The following UGGT1 variants were observed in gnomAD, a reference collection of about 807,000 sequenced individuals.
UGGT1 encodes UDP-glucose:glycoprotein glucosyltransferase 1.
In UGGT1, 107 loss-of-function variants were observed where a neutral mutation model predicts 203.9. That is an observed-to-expected ratio of 0.52 (90% CI 0.45 to 0.62). UGGT1 has a LOEUF of 0.62. UGGT1 is among the 20% of genes least tolerant of loss of function. UGGT1 has a pLI of 0.00. For synonymous variants in UGGT1, 628 were observed against 653.5 expected, an observed-to-expected ratio of 0.96 and a Z score of 0.59; for missense variants, 1,673 against 1,867.2, an observed-to-expected ratio of 0.90 and a Z score of 1.92.
chr2:128,116,481 C>T (rs1006207950), intron 8 of UGGT1, 138 bp downstream of exon 8: 16 of 571,592 alleles, frequency 2.8e-5, no homozygotes, highest in Admixed American at 1.6e-4. Flanking sequence ...TGCAATCCTA[C>T]GTGGAGAGTC....
intron 28 of UGGT1, chr2:128,171,539 G>A (rs770939309): frequency 2.5e-5 from 11 of 435,654 alleles, no homozygotes; most frequent in East Asian, 1.4e-4. Context: ...ATGGAGTCTC[G>A]CTCTGTCGCC....
At position 128,161,208 on chromosome 2, in the gene UGGT1, T is replaced by G. The variant is rs767130232; in HGVS notation, c.2765T>G (p.Leu922Ter). The stretch of plus-strand genomic sequence containing the variant: ...TTCCACCTCCTCGAAAATATCATCT[T>G]AAAAACCTCAGGACAGAAAATAAAA... Reference protein sequence around the residue: ...DDFHLLENIILKTSGQKIKSH... With the variant: ...DDFHLLENII Residue 922 changes from leucine (L) to a stop codon, truncating the protein, a stop_gained, in exon 25 of 41, where the codon TTA becomes TGA. Transcript: ENST00000259253. LOFTEE classifies it high-confidence loss of function. 6.2e-7 allele frequency: 1 copy of G among 1,614,062 alleles called. No homozygotes were observed. Among genetic ancestry groups the G allele is most frequent in the Non-Finnish European group, 8.5e-7 (1 of 1,179,978 alleles).
chr2:128,171,348 A>G, intron 28 of UGGT1, 64 bp downstream of exon 28: 1 of 1,424,128 alleles, frequency 7.0e-7, no homozygotes, highest in East Asian at 2.3e-5. Flanking sequence ...CTGATATTGC[A>G]TGTTAGAGGA....
chr2:128,134,223 A>T (rs1293115237), intron 14 of UGGT1, among the ~76,000 whole-genome samples: 1 of 152,028 alleles, frequency 6.6e-6, no homozygotes, highest in Non-Finnish European at 1.5e-5. Context: ...TTTAGTAGAG[A>T]CGGGGTTTCA....
intron 37 of UGGT1, 44 bp from the exon 38 acceptor site, chr2:128,183,631 C>G: frequency 1.4e-6 from 2 of 1,456,318 alleles, no homozygotes; most frequent in Non-Finnish European, 1.9e-6. Context: ...GTTTTCCTGT[C>G]GTAATCCATG....
chr2:128,142,987 AAAAG>A, intron 16 of UGGT1, 103 bp from the exon 17 acceptor site: 1 of 1,255,808 alleles, frequency 8.0e-7, no homozygotes, highest in Non-Finnish European at 1.1e-6. Flanking sequence ...CAAAAAAAAA[AAAAG>A]AAAAATAAGT....
intron 25 of UGGT1, among the ~76,000 whole-genome samples, chr2:128,161,886 A>T (rs1690544230): frequency 6.6e-6 from 1 of 152,238 alleles, no homozygotes; most frequent in African/African-American, 2.4e-5. Context: ...ATGACTATGT[A>T]GTTGGAGGAT....
At chr2:128,165,602 CAGG>C (rs1690748949) in intron 26 of UGGT1, among the ~76,000 whole-genome samples, 1 of 152,050 alleles carries the variant, frequency 6.6e-6, no homozygotes, top group African/African-American at 2.4e-5. Flanking sequence ...GAGCCTGAGA[CAGG>C]AGAATCGCTT....
At chr2:128,140,094 G>T in intron 16 of UGGT1, 1 of 154,236 alleles carries the variant, frequency 6.5e-6, no homozygotes, top group South Asian at 2.0e-4. Context: ...AGGAGTCAGT[G>T]ATCATAATAT....
In UGGT1 at chr2:128,194,266, C is replaced by CTT. The variant is rs11402174; in HGVS notation, c.*4536_*4537dup. 0.014 allele frequency: 1,993 copies of CTT among 143,672 alleles called. 22 individuals are homozygous for CTT. Among genetic ancestry groups the CTT allele is most frequent in the Non-Finnish European group, 0.022 (1,459 of 66,204 alleles). 8.9% of individuals were successfully genotyped at this position (143,672 alleles called of 1,614,324 possible). A position where few individuals can be genotyped will look rare whatever the true frequency, so the allele number is the denominator to read the frequency against. On this transcript the variant is annotated 3_prime_UTR_variant, in exon 41 of 41. Transcript: ENST00000259253. The stretch of plus-strand genomic sequence containing the variant: ...CGCCACCACACCCGGCTAATTTTTG[C>CTT]TTTTTTTTTTTTTGAGACAGAATCT...
chr2:128,179,835 T>G lies in UGGT1; in HGVS notation c.3865T>G (p.Trp1289Gly). The G allele has an allele frequency of 6.2e-7, 1 of 1,614,128 alleles. No homozygotes were observed. ...GAATACCAAGACTCCTGTGAAATTC[T>G]GGTTCTTGAAGAATTACTTGTCCCC... Reference protein sequence around the residue: ...LKNTKTPVKFWFLKNYLSPTF... With the variant: ...LKNTKTPVKFGFLKNYLSPTF... The change falls in exon 35 of 41, where the codon TGG becomes GGG. Residue 1289 changes from tryptophan (W) to glycine (G), a missense_variant. Physicochemically the swap from Trp to Gly is radical, Grantham distance 184. Coordinates refer to ENST00000259253, the MANE Select transcript of UGGT1 (RefSeq NM_020120.4).
intron 12 of UGGT1, 106 bp downstream of exon 12, chr2:128,127,558 A>G: frequency 1.2e-6 from 1 of 836,400 alleles, no homozygotes; most frequent in Non-Finnish European, 1.9e-6. Context: ...GCAAAGTCTG[A>G]TGGCTTACCA....
At chr2:128,103,707 A>G (rs1245641458) in intron 2 of UGGT1, among the ~76,000 whole-genome samples, 5 of 151,880 alleles carry the variant, frequency 3.3e-5, no homozygotes, top group Middle Eastern at 3.4e-3. Context: ...AGAAATAGCT[A>G]TTAAGTGAAA....
chr2:128,144,196 G>T (rs1689571107), intron 17 of UGGT1, among the ~76,000 whole-genome samples: 1 of 152,156 alleles, frequency 6.6e-6, no homozygotes, highest in African/African-American at 2.4e-5. Context: ...TCAGTTGTTT[G>T]TGAGTGGCTC....
At chr2:128,145,501 AACACAC>A (rs538390479) in intron 17 of UGGT1, among the ~76,000 whole-genome samples, 6 of 104,938 alleles carry the variant, frequency 5.7e-5, no homozygotes, top group South Asian at 2.6e-4. Context: ...CACACACACA[AACACAC>A]ACACACACAC....
intron 36 of UGGT1, among the ~76,000 whole-genome samples, chr2:128,181,284 T>C (rs1201909180): frequency 2.6e-5 from 4 of 152,268 alleles, no homozygotes; most frequent in African/African-American, 9.6e-5. Context: ...AACATCATTG[T>C]GATGACATAA....
At chr2:128,177,766 C>A (rs1434519857) in intron 32 of UGGT1, 66 bp from the exon 33 acceptor site, 3 of 1,299,552 alleles carry the variant, frequency 2.3e-6, no homozygotes, top group East Asian at 4.9e-5. Context: ...CAGTGTATAT[C>A]CAGTGAGAGG....
At chr2:128,149,450 C>T (rs1191379118) in intron 18 of UGGT1, among the ~76,000 whole-genome samples, 2 of 150,400 alleles carry the variant, frequency 1.3e-5, no homozygotes, top group Admixed American at 6.6e-5. Flanking sequence ...TGAGACCATC[C>T]TGGCTAACAC....
intron 5 of UGGT1, among the ~76,000 whole-genome samples, chr2:128,111,747 G>A (rs951817348): frequency 1.4e-3 from 207 of 151,860 alleles, no homozygotes; most frequent in African/African-American, 4.5e-3. Flanking sequence ...CGCCCGCCTC[G>A]GCCTCCCAAA....
Sources: gnomAD v4.1 joint callset for allele counts (sites outside exome capture counted in the v4.1 genomes callset) on GRCh38, gnomAD v4.1.1 for gene constraint, MANE v1.5 for transcripts, NCBI Gene and HGNC (gene_info 2026-07-23, HGNC 2026-07-21) for gene names.